The following RANBP2 variants were observed in gnomAD, a reference collection of about 807,000 sequenced individuals.
RANBP2 encodes the protein RAN binding protein 2.
In RANBP2, 57 loss-of-function variants were observed where a neutral mutation model predicts 303.6. The observed-to-expected ratio is 0.19, with a 90% confidence interval of 0.15 to 0.23. The LOEUF (loss-of-function observed/expected upper bound fraction) is 0.23, where lower values mean the gene tolerates loss of function less well. Among genes scored for constraint, RANBP2 ranks in the 10% least tolerant of loss-of-function variants. RANBP2 has a pLI of 1.00. For synonymous variants in RANBP2, 1,167 were observed against 1,301.5 expected (o/e 0.90, Z 2.23); for missense variants, 3,138 against 3,780.8 (o/e 0.83, Z 4.46).
At chr2:109,500,982 T>G in the RANBP2 span, among the ~76,000 whole-genome samples, 3 of 152,164 alleles carry the variant, frequency 2.0e-5, no homozygotes, top group Non-Finnish European at 2.9e-5. Flanking sequence ...TAAACAATGT[T>G]CCAAGTACCT....
chr2:108,724,205 C>T (rs1346085429), intron 1 of RANBP2, among the ~76,000 whole-genome samples: 1 of 152,130 alleles, frequency 6.6e-6, no homozygotes. Flanking sequence ...CTCTGTTGCC[C>T]AGGCTGGAGT....
At chr2:109,221,744 A>G in the RANBP2 span, among the ~76,000 whole-genome samples, 2 of 152,186 alleles carry the variant, frequency 1.3e-5, no homozygotes, top group South Asian at 2.1e-4. Flanking sequence ...GGGAACTCAC[A>G]TATACTATTG....
At chr2:109,523,078 G>GCAGC in the RANBP2 span, among the ~76,000 whole-genome samples, 727 of 152,224 alleles carry the variant, frequency 4.8e-3, 3 homozygotes, top group Non-Finnish European at 5.6e-3. Context: ...CCACTGACAG[G>GCAGC]CAGCCCTCTG....
chr2:109,022,654 CAT>C, the RANBP2 span, among the ~76,000 whole-genome samples: 2 of 152,152 alleles, frequency 1.3e-5, no homozygotes, highest in Non-Finnish European at 2.9e-5. Context: ...GGGTATCACA[CAT>C]GCTATTCGGG....
chr2:109,588,275 C>T, the RANBP2 span, among the ~76,000 whole-genome samples: 2 of 151,862 alleles, frequency 1.3e-5, no homozygotes, highest in Non-Finnish European at 2.9e-5. Flanking sequence ...AAAATGACAA[C>T]AGATCTACAA....
the RANBP2 span, among the ~76,000 whole-genome samples, chr2:109,149,670 G>A: frequency 6.6e-6 from 1 of 152,204 alleles, no homozygotes; most frequent in African/African-American, 2.4e-5. Flanking sequence ...CTCTGTGGCA[G>A]CAGCAACGTT....
the RANBP2 span, among the ~76,000 whole-genome samples, chr2:109,724,934 G>A: frequency 6.6e-6 from 1 of 152,326 alleles, no homozygotes; most frequent in Non-Finnish European, 1.5e-5. Flanking sequence ...GTAAGCGAAA[G>A]CAGTGTTAGG....
chr2:109,545,630 A>G, the RANBP2 span: 1 of 1,519,490 alleles, frequency 6.6e-7, no homozygotes, highest in East Asian at 2.5e-5. Context: ...ATAAAATACT[A>G]TCTTATGTCT....
At chr2:109,726,512 A>G in the RANBP2 span, among the ~76,000 whole-genome samples, 2 of 152,244 alleles carry the variant, frequency 1.3e-5, no homozygotes, top group East Asian at 3.9e-4. Context: ...GGTGAAGATT[A>G]TACAGGCAGG....
the RANBP2 span, among the ~76,000 whole-genome samples, chr2:109,473,463 G>C: frequency 6.6e-6 from 1 of 152,182 alleles, no homozygotes; most frequent in African/African-American, 2.4e-5. Flanking sequence ...GGGAGGCTGT[G>C]GGGGATGTAA....
chr2:108,984,694 T>G, the RANBP2 span, among the ~76,000 whole-genome samples: 3 of 152,160 alleles, frequency 2.0e-5, no homozygotes, highest in African/African-American at 7.2e-5. Flanking sequence ...TTGTTTGTTT[T>G]TTTTTCATGG....
Position 108,763,727 on chromosome 2 carries a change from G to T in RANBP2, c.3188G>T (p.Ser1063Ile). 6.2e-7 allele frequency: 1 copy of T among 1,614,088 alleles called. No homozygotes were observed. Among genetic ancestry groups the T allele is most frequent in the Non-Finnish European group, 8.5e-7 (1 of 1,179,984 alleles). Residue 1063 changes from serine to isoleucine, a missense_variant, in exon 20 of 29, where the codon AGT (serine) becomes ATT (isoleucine). Ser to Ile is a moderately radical substitution (Grantham distance 142, BLOSUM62 -2). Coordinates refer to ENST00000283195, the MANE Select transcript of RANBP2 (RefSeq NM_006267.5). ...CCCCCTCCTGCAGCTTACAGTAACA[G>T]TGAAAGCCTTTTAGGTCTCCTGACT... ...TQPPPAAYSN[S>I]ESLLGLLTSD...
chr2:109,349,021 C>G, the RANBP2 span, among the ~76,000 whole-genome samples: 13 of 150,782 alleles, frequency 8.6e-5, no homozygotes, highest in South Asian at 2.7e-3. Context: ...GTCAGTATTT[C>G]TCTCTCTCTC....
chr2:109,149,642 C>T, the RANBP2 span, among the ~76,000 whole-genome samples: 1 of 152,186 alleles, frequency 6.6e-6, no homozygotes, highest in Non-Finnish European at 1.5e-5. Flanking sequence ...CCATTGAGCA[C>T]CCACATGTCC....
At chr2:109,365,422 T>C in the RANBP2 span, among the ~76,000 whole-genome samples, 1 of 152,214 alleles carries the variant, frequency 6.6e-6, no homozygotes, top group Non-Finnish European at 1.5e-5. Flanking sequence ...ATTTCCCTAT[T>C]GATCTCTTCA....
chr2:109,746,748 G>T, the RANBP2 span, among the ~76,000 whole-genome samples: 1 of 105,172 alleles, frequency 9.5e-6, no homozygotes, highest in South Asian at 3.0e-4. Context: ...CATGGGGTTG[G>T]CTCCCTCATG....
chr2:109,549,464 T>C, the RANBP2 span, among the ~76,000 whole-genome samples: 1 of 152,202 alleles, frequency 6.6e-6, no homozygotes, highest in Admixed American at 6.5e-5. Flanking sequence ...CTGGGTGGCA[T>C]TTCCAGCTCT....
the RANBP2 span, among the ~76,000 whole-genome samples, chr2:109,154,125 A>G: frequency 1.3e-5 from 2 of 151,982 alleles, no homozygotes; most frequent in African/African-American, 4.8e-5. Flanking sequence ...TGTGTTTAAA[A>G]CTGGTTTCTA....
chr2:109,687,235 GTTAT>G, the RANBP2 span, among the ~76,000 whole-genome samples: 1 of 152,144 alleles, frequency 6.6e-6, no homozygotes, highest in African/African-American at 2.4e-5. Context: ...GGCTCATTCA[GTTAT>G]TTATTTGTAT....
Sources: gnomAD v4.1 joint callset for allele counts (sites outside exome capture counted in the v4.1 genomes callset) on GRCh38, gnomAD v4.1.1 for gene constraint, MANE v1.5 for transcripts, NCBI Gene and HGNC (gene_info 2026-07-23, HGNC 2026-07-21) for gene names.